The following OTUD5 variants were observed in gnomAD, a reference collection of about 807,000 sequenced individuals.
OTUD5 encodes the protein OTU deubiquitinase 5.
OTUD5 carries 2 observed loss-of-function variants against 36.3 expected under a neutral mutation model. That is an observed-to-expected ratio of 0.06 (90% CI 0.02 to 0.17). OTUD5 has a LOEUF of 0.17. Among genes scored for constraint, OTUD5 ranks in the 10% least tolerant of loss-of-function variants. The pLI, the probability that OTUD5 is intolerant of heterozygous loss-of-function variation, is 1.00. For missense variants in OTUD5, 233 were observed against 512.3 expected (o/e 0.45, Z 5.26); for synonymous variants, 234 against 214.9 (o/e 1.09, Z -0.78).
chrX:48,951,425 T>C (rs1375996753), intron 1 of OTUD5, among the ~76,000 whole-genome samples: 9 of 111,481 alleles, frequency 8.1e-5, no homozygotes, highest in East Asian at 2.9e-4. Flanking sequence ...TCATCCTGGC[T>C]AACACAGTGA....
At chrX:48,949,476 G>A (rs1407978209) in intron 1 of OTUD5, among the ~76,000 whole-genome samples, 14 of 110,901 alleles carry the variant, frequency 1.3e-4, no homozygotes, top group African/African-American at 4.6e-4. Flanking sequence ...TCAGGAGTTC[G>A]AGACCAGCCT....
At chrX:48,942,849 C>T (rs782030776) in intron 2 of OTUD5, among the ~76,000 whole-genome samples, 1 of 110,546 alleles carries the variant, frequency 9.0e-6, no homozygotes, top group South Asian at 3.9e-4. Context: ...TAAATCGTTA[C>T]AGCATTAGGG....
intron 2 of OTUD5, among the ~76,000 whole-genome samples, chrX:48,942,556 G>A (rs967003928): frequency 7.3e-4 from 80 of 110,296 alleles, no homozygotes; most frequent in Non-Finnish European, 1.7e-4. Context: ...TGTCCAAGAT[G>A]CCCCGAAACC....
In OTUD5 at chrX:48,922,606, G is replaced by T. The variant is rs1436526169; in HGVS notation, c.*568C>A. 4 of 750,311 alleles carry T rather than the reference G, an allele frequency of 5.3e-6. No homozygotes were observed. Among genetic ancestry groups the T allele is most frequent in the Admixed American group, 8.5e-5 (1 of 11,699 alleles). The allele number at this position is 750,311 out of a possible 1,213,427, so 61.8% of individuals were successfully genotyped here. A position where few individuals can be genotyped will look rare whatever the true frequency, so the allele number is the denominator to read the frequency against. On this transcript the variant is annotated 3_prime_UTR_variant, in exon 9 of 9. Transcript: ENST00000376488. ...ATGCCACCTTCACAGAGCCAGTGCT[G>T]TCGTCTATATCATTTTTGATTAGTT... is the stretch of plus-strand genomic sequence containing the variant.
chrX:48,941,429 T>A (rs2063918888), intron 2 of OTUD5, among the ~76,000 whole-genome samples: 1 of 33,224 alleles, frequency 3.0e-5, no homozygotes, highest in Non-Finnish European at 4.6e-5. Flanking sequence ...GGAGACTCCA[T>A]CTCAAAAAAA....
At chrX:48,933,560 G>T (rs1557049291) in intron 5 of OTUD5, among the ~76,000 whole-genome samples, 6 of 109,791 alleles carry the variant, frequency 5.5e-5, no homozygotes, top group Non-Finnish European at 1.1e-4. Flanking sequence ...TGGGATTACA[G>T]GCACCCACTG....
intron 5 of OTUD5, among the ~76,000 whole-genome samples, chrX:48,927,013 T>C (rs1002203826): frequency 1.1e-4 from 12 of 112,348 alleles, no homozygotes; most frequent in Non-Finnish European, 1.9e-5. Context: ...CATATACACA[T>C]CACACACAAA....
At chrX:48,951,316 A>G (rs1443294735) in intron 1 of OTUD5, among the ~76,000 whole-genome samples, 1 of 111,995 alleles carries the variant, frequency 8.9e-6, no homozygotes, top group Non-Finnish European at 1.9e-5. Context: ...GCCTGGCTCC[A>G]TGGACAAAAC....
intron 1 of OTUD5, among the ~76,000 whole-genome samples, chrX:48,948,547 T>G (rs1293768864): frequency 9.0e-6 from 1 of 111,299 alleles, no homozygotes; most frequent in South Asian, 3.8e-4. Flanking sequence ...GAGACCTGAA[T>G]AGGCCCCTCG....
At chrX:48,931,550 G>A (rs1298918732) in intron 5 of OTUD5, among the ~76,000 whole-genome samples, 3 of 111,140 alleles carry the variant, frequency 2.7e-5, no homozygotes, top group African/African-American at 6.5e-5. Context: ...AGGCCGAGGC[G>A]GGTGGATCAC....
At chrX:48,931,795 A>AG (rs1293473184) in intron 5 of OTUD5, among the ~76,000 whole-genome samples, 1 of 107,287 alleles carries the variant, frequency 9.3e-6, no homozygotes, top group Admixed American at 1.0e-4. Context: ...AAAAAAAAAA[A>AG]AAGTATTAAT....
In OTUD5 at chrX:48,934,817, G is replaced by A. The variant is rs2063805714; in HGVS notation, c.804C>T (p.Thr268=). ...FSNYVTEDFT[T]YINRKRKNNC... ...TGTTTTTCCGCTTCCTGTTAATGTAGGTGGTAAAGTCCTCTGTGACATAGT... is the reference window on the plus strand; with the variant it reads ...TGTTTTTCCGCTTCCTGTTAATGTAAGTGGTAAAGTCCTCTGTGACATAGT... Residue 268 remains threonine (T), a synonymous_variant, in exon 4 of 9, where the codon ACC becomes ACT. Transcript: ENST00000376488. 4.1e-6 allele frequency: 5 copies of A among 1,210,274 alleles called. No individual in the cohort carries two copies. The highest frequency in any genetic ancestry group is 4.5e-6 in the Non-Finnish European group (4 of 893,968).
chrX:48,934,090 C>CTA (rs2063796609), intron 5 of OTUD5, among the ~76,000 whole-genome samples: 1 of 111,540 alleles, frequency 9.0e-6, no homozygotes, highest in Non-Finnish European at 1.9e-5. Context: ...GTGGTGGGGC[C>CTA]AGGCCTGTAC....
chrX:48,928,907 A>G (rs1279574897), intron 5 of OTUD5, among the ~76,000 whole-genome samples: 1 of 109,045 alleles, frequency 9.2e-6, no homozygotes, highest in African/African-American at 3.3e-5. Context: ...AAGGCAACCC[A>G]CAAAGACAAT....
At chrX:48,924,831 T>C (rs922051332) in intron 6 of OTUD5, among the ~76,000 whole-genome samples, 3 of 112,239 alleles carry the variant, frequency 2.7e-5, no homozygotes, top group Non-Finnish European at 3.8e-5. Context: ...ACTTCCCAAC[T>C]AATTTATTCA....
intron 5 of OTUD5, among the ~76,000 whole-genome samples, chrX:48,930,801 A>G (rs925066826): frequency 9.0e-6 from 1 of 110,573 alleles, no homozygotes; most frequent in Non-Finnish European, 1.9e-5. Context: ...TCTCTACTAA[A>G]CAATACAAAA....
intron 6 of OTUD5, 81 bp from the exon 7 acceptor site, chrX:48,924,133 T>C (rs2063626435): frequency 4.3e-6 from 4 of 936,277 alleles, no homozygotes; most frequent in Non-Finnish European, 5.9e-6. Flanking sequence ...GCTGGCTCCC[T>C]TCCCAGGACC....
chrX:48,951,752 G>T (rs2064151058), intron 1 of OTUD5, among the ~76,000 whole-genome samples: 1 of 111,893 alleles, frequency 8.9e-6, no homozygotes, highest in Admixed American at 9.4e-5. Context: ...AGGGCAGGGG[G>T]ATTAAAAACC....
At chrX:48,954,755 A>G (rs782322884) in intron 1 of OTUD5, among the ~76,000 whole-genome samples, 9 of 112,080 alleles carry the variant, frequency 8.0e-5, no homozygotes, top group Non-Finnish European at 1.3e-4. Flanking sequence ...AAGCAGTTCA[A>G]AACTTATTAT....
Sources: gnomAD v4.1 joint callset for allele counts (sites outside exome capture counted in the v4.1 genomes callset) on GRCh38, gnomAD v4.1.1 for gene constraint, MANE v1.5 for transcripts, NCBI Gene and HGNC (gene_info 2026-07-23, HGNC 2026-07-21) for gene names.